The following RHOT1 variants were observed in gnomAD, a reference collection of about 807,000 sequenced individuals.
RHOT1 encodes the protein ras homolog family member T1.
A neutral mutation model predicts 95.3 loss-of-function variants in RHOT1; 27 were observed. The observed-to-expected ratio is 0.28, with a 90% CI of 0.21 to 0.39. The LOEUF is 0.39. Among genes scored for constraint, RHOT1 ranks in the 10% least tolerant of loss-of-function variants. The probability of loss-of-function intolerance (pLI) is 1.00; values close to 1 mark genes in which losing one functional copy is unlikely to be tolerated. For missense variants in RHOT1, 578 were observed against 786.7 expected, an observed-to-expected ratio of 0.73 and a Z score of 3.17; for synonymous variants, 227 against 263.5, an observed-to-expected ratio of 0.86 and a Z score of 1.34.
chr17:32,154,158 G>C (rs1343397176), intron 1 of RHOT1, among the ~76,000 whole-genome samples: 2 of 151,204 alleles, frequency 1.3e-5, no homozygotes, highest in East Asian at 3.9e-4. Context: ...AAAGAGAAAA[G>C]GGGCCAGGCA....
intron 19 of RHOT1, among the ~76,000 whole-genome samples, chr17:32,221,372 A>G (rs1054234209): frequency 6.9e-6 from 1 of 144,176 alleles, no homozygotes; most frequent in Non-Finnish European, 1.5e-5. Context: ...GTCTGTCTCA[A>G]AAAAAAAAAA....
rs1416874577 is a variant in RHOT1, at chr17:32,192,067, T to C, written c.541-134T>C. 21 of 576,454 alleles carry C rather than the reference T, an allele frequency of 3.6e-5. No homozygotes were observed. The East Asian group carries it at 6.6e-4, about 18-fold the overall frequency. The allele number at this position is 576,454 out of a possible 1,614,324, so 35.7% of individuals were successfully genotyped here. On this transcript the variant is annotated intron_variant, in intron 8 of 19. Transcript: ENST00000545287. ...TACTTAAAAAGGCTTGCATATAAAG[T>C]AAATGGCTTTGCTTTAGTTCATTTT...
intron 8 of RHOT1, among the ~76,000 whole-genome samples, chr17:32,189,338 A>G (rs1029199460): frequency 3.9e-5 from 6 of 152,172 alleles, no homozygotes; most frequent in Non-Finnish European, 5.9e-5. Flanking sequence ...AAAAAAACAC[A>G]TAGATTCCAT....
intron 1 of RHOT1, among the ~76,000 whole-genome samples, chr17:32,144,356 T>A (rs1303751611): frequency 2.0e-5 from 3 of 151,972 alleles, no homozygotes; most frequent in Admixed American, 2.0e-4. Context: ...GAGACGAGCC[T>A]GGCCAACATG....
At chr17:32,155,494 T>C (rs1363050439) in intron 1 of RHOT1, among the ~76,000 whole-genome samples, 2 of 149,894 alleles carry the variant, frequency 1.3e-5, no homozygotes, top group African/African-American at 2.5e-5. Context: ...TTTCTTTCTT[T>C]CTTTTTTTTT....
chr17:32,183,741 C>T (rs766400229), intron 8 of RHOT1, among the ~76,000 whole-genome samples: 2 of 152,154 alleles, frequency 1.3e-5, no homozygotes, highest in Admixed American at 6.5e-5. Flanking sequence ...TGCAGTGGCA[C>T]GATCTCGATC....
intron 19 of RHOT1, among the ~76,000 whole-genome samples, chr17:32,216,558 C>T (rs150050680): frequency 2.0e-3 from 298 of 152,186 alleles, no homozygotes; most frequent in Non-Finnish European, 3.1e-3. Context: ...ATACCTATTG[C>T]ATTTTTTACC....
At chr17:32,190,957 G>A (rs1181608298) in intron 8 of RHOT1, among the ~76,000 whole-genome samples, 3 of 152,096 alleles carry the variant, frequency 2.0e-5, no homozygotes, top group Non-Finnish European at 2.9e-5. Flanking sequence ...ACCACACCCA[G>A]CTAACTTTTG....
chr17:32,143,303 A>G (rs2030730446), intron 1 of RHOT1, among the ~76,000 whole-genome samples: 1 of 152,118 alleles, frequency 6.6e-6, no homozygotes, highest in Non-Finnish European at 1.5e-5. Context: ...CTATGTATTG[A>G]CATTAAGATA....
intron 1 of RHOT1, chr17:32,151,505 A>G (rs767063769): frequency 2.2e-5 from 13 of 600,332 alleles, no homozygotes; most frequent in Admixed American, 7.7e-5. Context: ...TCTGTTCATC[A>G]TGGTTTCTGA....
In RHOT1 at chr17:32,220,778, G is replaced by A. The variant is rs150686447; in HGVS notation, c.1863-3838G>A. On this transcript the variant is annotated intron_variant, in intron 19 of 19. Coordinates refer to ENST00000545287, the MANE Select transcript of RHOT1 (RefSeq NM_001033566.3). ...TGGAAGCTGGGAGGTGGAGGTTGCA[G>A]TGAGCTGAGATTGCGAGACTCTGTC... Among the ~76,000 whole-genome samples the A allele has an allele frequency of 3.4e-3, 504 of 146,214 alleles. 5 individuals are homozygous for A. Among genetic ancestry groups the A allele is most frequent in the African/African-American group, 0.012 (467 of 38,984 alleles).
chr17:32,173,668 G>A (rs1444059971), intron 2 of RHOT1, among the ~76,000 whole-genome samples, 163 bp from the exon 3 acceptor site: 2 of 149,922 alleles, frequency 1.3e-5, no homozygotes, highest in African/African-American at 4.9e-5. Flanking sequence ...AGCAGAGATC[G>A]CACCACTGCA....
intron 19 of RHOT1, among the ~76,000 whole-genome samples, chr17:32,221,404 C>T (rs1441236982): frequency 6.6e-6 from 1 of 151,378 alleles, no homozygotes; most frequent in Non-Finnish European, 1.5e-5. Flanking sequence ...AAGAAATGAG[C>T]CAGAAGCTTT....
At chr17:32,175,533 C>G (rs969654482) in intron 4 of RHOT1, among the ~76,000 whole-genome samples, 171 bp downstream of exon 4, 9 of 152,124 alleles carry the variant, frequency 5.9e-5, no homozygotes, top group Non-Finnish European at 1.0e-4. Context: ...TTTGCCTTAT[C>G]GCAACCTCCA....
rs992014871 is a variant in RHOT1, at chr17:32,175,441, CTTTG to C, written c.222+86_222+89del. On this transcript the variant is annotated intron_variant, in intron 4 of 19. Transcript: ENST00000545287. The stretch of plus-strand genomic sequence containing the variant: ...TTTATGAGCCTGCCTTTTTCATTCT[CTTTG>C]TTTGTTGGTTTTTGTGTTTTTTTTG... 41 of 1,327,224 alleles carry C rather than the reference CTTTG, an allele frequency of 3.1e-5. No homozygotes were observed. In the African/African-American group the frequency reaches 3.6e-4, roughly 12 times the overall value. The allele number at this position is 1,327,224 out of a possible 1,614,324, so 82.2% of individuals were successfully genotyped here. A position where few individuals can be genotyped will look rare whatever the true frequency, so the allele number is the denominator to read the frequency against.
intron 10 of RHOT1, 64 bp downstream of exon 10, chr17:32,193,308 A>G: frequency 2.0e-6 from 2 of 980,958 alleles, no homozygotes; most frequent in Non-Finnish European, 3.3e-6. Flanking sequence ...CAGAAGGTGA[A>G]GGTCTTTATT....
At chr17:32,154,084 C>T (rs2032647818) in intron 1 of RHOT1, among the ~76,000 whole-genome samples, 1 of 151,370 alleles carries the variant, frequency 6.6e-6, no homozygotes, top group Non-Finnish European at 1.5e-5. Context: ...GGGAGGATTG[C>T]TTGAGCCCAG....
At chr17:32,153,009 C>T (rs1315599999) in intron 1 of RHOT1, among the ~76,000 whole-genome samples, 1 of 152,112 alleles carries the variant, frequency 6.6e-6, no homozygotes, top group Non-Finnish European at 1.5e-5. Flanking sequence ...ACCATGTTGT[C>T]CAGGCTGGTC....
chr17:32,177,369 A>T (rs1294263831), intron 6 of RHOT1, among the ~76,000 whole-genome samples: 1 of 152,202 alleles, frequency 6.6e-6, no homozygotes, highest in African/African-American at 2.4e-5. Context: ...GTTGTATTGG[A>T]CAGGGATGCC....
Sources: gnomAD v4.1 joint callset for allele counts (sites outside exome capture counted in the v4.1 genomes callset) on GRCh38, gnomAD v4.1.1 for gene constraint, MANE v1.5 for transcripts, NCBI Gene and HGNC (gene_info 2026-07-23, HGNC 2026-07-21) for gene names.